Variants in FXR2 observed in about 807,000 individuals in gnomAD.
FXR2 encodes the protein FMR1 autosomal homolog 2.
Under a neutral mutation model 87.3 loss-of-function variants are expected in FXR2, and 9 were observed. The observed-to-expected ratio is 0.10, with a 90% CI of 0.06 to 0.18. The LOEUF is 0.18. Ranked by LOEUF, FXR2 falls within the 10% of genes least tolerant of loss-of-function variation. The pLI is 1.00. For synonymous variants in FXR2, 331 were observed against 328.3 expected (o/e 1.01, Z -0.09); for missense variants, 661 against 893.6 (o/e 0.74, Z 3.32).
In FXR2 at chr17:7,592,017, G is replaced by T; in HGVS notation, c.1927-92C>A. ...ATTCCCTACCATCCAAGCCCTCCTG[G>T]CATTTGGTGATCCAGAGGTTGGTTC... is the stretch of plus-strand genomic sequence containing the variant. On this transcript the variant is annotated intron_variant, in intron 16 of 16. Coordinates refer to ENST00000250113, the MANE Select transcript of FXR2 (RefSeq NM_004860.4). The surrounding 1 kb of genome is among the most constrained non-coding windows in gnomAD (Gnocchi z 4.8). 3 of 1,198,880 alleles carry T rather than the reference G, an allele frequency of 2.5e-6. No homozygotes were observed. Among genetic ancestry groups the T allele is most frequent in the Non-Finnish European group, 3.5e-6 (3 of 857,664 alleles). 74.3% of individuals were successfully genotyped at this position (1,198,880 alleles called of 1,614,324 possible).
chr17:7,614,513 C>G lies in FXR2; in HGVS notation c.20G>C (p.Gly7Ala), dbSNP rs372022316. 553 of 1,514,574 alleles carry G rather than the reference C, an allele frequency of 3.7e-4. 2 individuals carry two copies. In the African/African-American group the frequency reaches 5.2e-3, roughly 14 times the overall value. The allele number at this position is 1,514,574 out of a possible 1,614,324, so 93.8% of individuals were successfully genotyped here. The change falls in exon 1 of 17, where the codon GGG becomes GCG. Residue 7 changes from glycine (G) to alanine (A), a missense_variant. Around this residue, in one of 3 missense-constraint regions of FXR2, gnomAD observed 170 missense variants for 247.2 expected, o/e 0.69. Transcript: ENST00000250113. The stretch of plus-strand genomic sequence containing the variant: ...GGGCAGTCCCGGCTCCACATCCCCC[C>G]CAGAGGCCAGGCCGCCCATGGCGCC... MGGLAS[G>A]GDVEPGLPVE... is the part of the protein sequence containing the mutation.
intron 1 of FXR2, among the ~76,000 whole-genome samples, chr17:7,607,518 C>G (rs567031062): frequency 3.3e-5 from 5 of 151,982 alleles, no homozygotes; most frequent in African/African-American, 1.2e-4. Flanking sequence ...ACCTCCACCC[C>G]CCGGGTTCAA....
In FXR2 at chr17:7,592,891, A is replaced by G; in HGVS notation, c.1532T>C (p.Leu511Pro). The G allele has an allele frequency of 6.4e-7, 1 of 1,569,894 alleles. No homozygotes were observed. The highest frequency in any genetic ancestry group is 8.6e-7 in the Non-Finnish European group (1 of 1,157,630). ...RYNSSSISSV[L>P]KDPDSNPYSL... ...GTAGGGATTACTGTCTGGATCCTTCAGCACTGGTCAGAGGAAGAAGAGGAG... is the reference window on the plus strand; with the variant it reads ...GTAGGGATTACTGTCTGGATCCTTCGGCACTGGTCAGAGGAAGAAGAGGAG... The change falls in exon 14 of 17, where the codon CTG becomes CCG. Residue 511 changes from leucine to proline, a missense_variant. By Grantham distance (98) the Leu-to-Pro change is moderately conservative. Transcript: ENST00000250113. The surrounding 1 kb of genome is among the most constrained non-coding windows in gnomAD (Gnocchi z 4.8).
At chr17:7,608,616 C>CA (rs67401228) in intron 1 of FXR2, among the ~76,000 whole-genome samples, 52,804 of 133,932 alleles carry the variant, frequency 0.39, 11,805 homozygotes, top group Middle Eastern at 0.62. Flanking sequence ...AACTCTGCCT[C>CA]AAAAAAAAAA....
In FXR2 at chr17:7,592,901, A is replaced by C. The variant is rs1003851009; in HGVS notation, c.1529-7T>G. The stretch of plus-strand genomic sequence containing the variant: ...CTGTCTGGATCCTTCAGCACTGGTC[A>C]GAGGAAGAAGAGGAGGAGTTGGCAG... On this transcript the variant is annotated splice_region_variant and splice_polypyrimidine_tract_variant and intron_variant, in intron 13 of 16. Transcript: ENST00000250113. The surrounding 1 kb of genome is among the most constrained non-coding windows in gnomAD (Gnocchi z 4.8). The C allele has an allele frequency of 3.1e-5, 49 of 1,558,532 alleles. No homozygotes were observed. Among genetic ancestry groups the C allele is most frequent in the Non-Finnish European group, 4.2e-5 (48 of 1,152,204 alleles).
At chr17:7,612,723 G>A (rs550162818) in intron 1 of FXR2, among the ~76,000 whole-genome samples, 2 of 152,024 alleles carry the variant, frequency 1.3e-5, no homozygotes, top group South Asian at 2.1e-4. Context: ...ATGGCCGGGC[G>A]CGGTGGCTCA....
chr17:7,614,065 ATTC>A (rs2071906738), intron 1 of FXR2: 1 of 477,070 alleles, frequency 2.1e-6, no homozygotes, highest in African/African-American at 2.0e-5. Context: ...AAGAAAGACA[ATTC>A]TCCATGTGCT....
rs777728725 is a variant in FXR2 at position 7,592,533 on chromosome 17, T to A, written c.1796A>T (p.Asp599Val). 9 of 1,613,812 alleles carry A rather than the reference T, an allele frequency of 5.6e-6. No individual in the cohort carries two copies. Among genetic ancestry groups the A allele is most frequent in the East Asian group, 4.5e-5 (2 of 44,894 alleles). The change falls in exon 15 of 17, where the codon GAT becomes GTT. Residue 599 changes from aspartate (D) to valine (V), a missense_variant. This residue lies in a region of FXR2 where 409 missense variants were observed against 432.0 expected (regional missense o/e 0.95). Transcript: ENST00000250113. The surrounding 1 kb of genome is among the most constrained non-coding windows in gnomAD (Gnocchi z 4.8). ...CTGGCGGTCTCCACTGATAGAGCCA[T>A]CAGTCCGATTACCACGGTTACGGCG... ...RRRRNRGNRT[D>V]GSISGDRQPV...
At position 7,593,581 on chromosome 17, in the gene FXR2, C is replaced by T; in HGVS notation, c.1152G>A (p.Gln384=). The T allele has an allele frequency of 6.3e-7, 1 of 1,598,314 alleles. No individual in the cohort carries two copies. Among genetic ancestry groups the T allele is most frequent in the African/African-American group, 1.3e-5 (1 of 74,810 alleles). The change falls in exon 12 of 17, where the codon CAG becomes CAA. Residue 384 remains glutamine, a synonymous_variant. Transcript: ENST00000250113. The surrounding 1 kb of genome is among the most constrained non-coding windows in gnomAD (Gnocchi z 6.1). ...LRLERLQIDE[Q]LRQIGLGFRP... is the part of the protein sequence containing the mutation. ...GAAAGCCCAGCCCAATCTGCCGAAGCTGCTCATCAATTTGTAGCCTCTCCA... is the reference window on the plus strand; with the variant it reads ...GAAAGCCCAGCCCAATCTGCCGAAGTTGCTCATCAATTTGTAGCCTCTCCA...
chr17:7,603,482 G>T (rs1880830501), intron 5 of FXR2, among the ~76,000 whole-genome samples: 1 of 148,080 alleles, frequency 6.8e-6, no homozygotes, highest in South Asian at 2.1e-4. Context: ...AGCCGAGATT[G>T]TGCCACTGCA....
intron 1 of FXR2, among the ~76,000 whole-genome samples, chr17:7,612,044 A>G (rs899410620): frequency 8.5e-5 from 13 of 152,186 alleles, no homozygotes; most frequent in Admixed American, 2.0e-4. Flanking sequence ...GCCACAGCAC[A>G]CAGGAGAAAG....
rs915945688 is a variant in FXR2, at chr17:7,595,147, T to TA, written c.832-391dup. On this transcript the variant is annotated intron_variant, in intron 8 of 16. Transcript: ENST00000250113. This position sits in a 1 kb window ranked among gnomAD's most constrained non-coding sequence, Gnocchi z 4.7. The stretch of plus-strand genomic sequence containing the variant: ...AAAAAAATTAAACAAATAAATAACT[T>TA]AAAAAAAAAAACAGAGGACCTTGGC... Among the ~76,000 whole-genome samples, 4,748 of 144,662 alleles carry TA rather than the reference T, an allele frequency of 0.033. 93 individuals carry two copies. Among genetic ancestry groups the TA allele is most frequent in the African/African-American group, 0.05 (1,967 of 39,454 alleles). 94.9% of individuals were successfully genotyped at this position (144,662 alleles called of 152,430 possible).
chr17:7,592,935 C>A lies in FXR2; in HGVS notation c.1529-41G>T. On this transcript the variant is annotated intron_variant, in intron 13 of 16. Coordinates refer to ENST00000250113, the MANE Select transcript of FXR2 (RefSeq NM_004860.4). This position sits in a 1 kb window ranked among gnomAD's most constrained non-coding sequence, Gnocchi z 4.8. ...AGAGGAGGAGTTGGCAGTCAGGTGC[C>A]CATCATCTTTCCTTTTGGCCCATAT... 1.3e-6 allele frequency: 2 copies of A among 1,544,894 alleles called. No individual in the cohort carries two copies. The highest frequency in any genetic ancestry group is 1.7e-6 in the Non-Finnish European group (2 of 1,144,660).
chr17:7,592,714 T>A lies in FXR2; in HGVS notation c.1709A>T (p.Asn570Ile). Residue 570 changes from asparagine (N) to isoleucine (I), a missense_variant, in exon 14 of 17, where the codon AAC becomes ATC. By Grantham distance (149) the Asn-to-Ile change is moderately radical. Coordinates refer to ENST00000250113, the MANE Select transcript of FXR2 (RefSeq NM_004860.4). This position sits in a 1 kb window ranked among gnomAD's most constrained non-coding sequence, Gnocchi z 4.8. ...CTCACCCAGGCCATTCTCTGTCATG[T>A]TGGGCCCATCTGATTCCAGGCCTCC... ...MDGGLESDGP[N>I]MTENGLEDES... 1 of 1,613,860 alleles carries A rather than the reference T, an allele frequency of 6.2e-7. No individual in the cohort carries two copies. Among genetic ancestry groups the A allele is most frequent in the Non-Finnish European group, 8.5e-7 (1 of 1,179,836 alleles).
At chr17:7,599,078 A>T (rs1386204824) in intron 7 of FXR2, among the ~76,000 whole-genome samples, 1 of 151,926 alleles carries the variant, frequency 6.6e-6, no homozygotes, top group Non-Finnish European at 1.5e-5. Flanking sequence ...GAGAGGTTGC[A>T]GGGAGCGGAG....
intron 1 of FXR2, among the ~76,000 whole-genome samples, chr17:7,607,868 T>C (rs2071816110): frequency 1.3e-5 from 2 of 152,026 alleles, no homozygotes; most frequent in Admixed American, 1.3e-4. Context: ...CAACCTTGGC[T>C]CACCGCAACC....
intron 1 of FXR2, among the ~76,000 whole-genome samples, chr17:7,609,930 G>GTATATATACATGTATATGTATA (rs2071837269): frequency 1.3e-5 from 1 of 78,972 alleles, no homozygotes; most frequent in African/African-American, 5.1e-5. Flanking sequence ...ACATGTATAT[G>GTATATATACATGTATATGTATA]TATATATATA....
At chr17:7,610,992 G>C (rs1266886482) in intron 1 of FXR2, among the ~76,000 whole-genome samples, 1 of 152,216 alleles carries the variant, frequency 6.6e-6, no homozygotes, top group Admixed American at 6.5e-5. Context: ...TCTAGGAGAA[G>C]AGCAGGAACA....
At chr17:7,609,888 A>G (rs552464781) in intron 1 of FXR2, among the ~76,000 whole-genome samples, 6 of 148,538 alleles carry the variant, frequency 4.0e-5, no homozygotes, top group East Asian at 2.0e-4. Context: ...ATACATATAC[A>G]TATATATACA....
Sources: allele counts gnomAD v4.1 joint callset (sites outside exome capture counted in the v4.1 genomes callset), GRCh38; gene constraint gnomAD v4.1.1; regional missense constraint gnomAD v4.1.1; non-coding constraint Gnocchi (gnomAD v3.1); transcripts MANE v1.5; gene names NCBI Gene and HGNC (gene_info 2026-07-23, HGNC 2026-07-21).